DLG2: variants seen among roughly 807,000 people sequenced by gnomAD.
DLG2 encodes disks large homolog 2.
A neutral mutation model predicts 132.5 loss-of-function variants in DLG2; 45 were observed. The observed-to-expected ratio is 0.34, with a 90% CI of 0.27 to 0.44. DLG2 has a LOEUF of 0.44. Among genes scored for constraint, DLG2 ranks in the 20% least tolerant of loss-of-function variants. DLG2 has a pLI of 1.00. For synonymous variants in DLG2, 424 were observed against 419.6 expected (o/e 1.01, Z -0.13); for missense variants, 1,045 against 1,196.9 (o/e 0.87, Z 1.87).
chr11:85,319,250 T>A (rs2080890452), intron 3 of DLG2, among the ~76,000 whole-genome samples: 1 of 151,846 alleles, frequency 6.6e-6, no homozygotes. Flanking sequence ...TCAAGAATGC[T>A]TTTAAATCTT....
At chr11:83,846,795 C>G (rs575184391) in intron 16 of DLG2, among the ~76,000 whole-genome samples, 5 of 152,180 alleles carry the variant, frequency 3.3e-5, no homozygotes, top group Admixed American at 2.0e-4. Context: ...ATCCACATAT[C>G]AAACATGATA....
intron 15 of DLG2, among the ~76,000 whole-genome samples, chr11:83,929,923 C>T (rs991470910): frequency 1.7e-4 from 26 of 152,042 alleles, no homozygotes; most frequent in African/African-American, 5.8e-4. Flanking sequence ...ATTTCTTAGG[C>T]CATGTTATGC....
chr11:84,571,443 A>G (rs2099484616), intron 6 of DLG2, among the ~76,000 whole-genome samples: 1 of 151,908 alleles, frequency 6.6e-6, no homozygotes, highest in Non-Finnish European at 1.5e-5. Flanking sequence ...TTCACAGTGC[A>G]GCATCCCAAC....
intron 11 of DLG2, among the ~76,000 whole-genome samples, chr11:84,047,211 T>A (rs1250980337): frequency 6.6e-6 from 1 of 151,704 alleles, no homozygotes; most frequent in African/African-American, 2.4e-5. Context: ...TCCTTTAATT[T>A]AGCATTACAA....
chr11:83,815,658 G>A (rs1480632619), intron 17 of DLG2, among the ~76,000 whole-genome samples: 1 of 152,154 alleles, frequency 6.6e-6, no homozygotes, highest in African/African-American at 2.4e-5. Flanking sequence ...TGGGCAAGCT[G>A]CAGGTTGAGC....
chr11:85,302,691 G>A (rs2079672781), intron 3 of DLG2, among the ~76,000 whole-genome samples: 1 of 151,520 alleles, frequency 6.6e-6, no homozygotes, highest in East Asian at 1.9e-4. Context: ...TAATTTCAGA[G>A]GAATAGAAGC....
chr11:83,465,703 G>T (rs964177298), intron 26 of DLG2, among the ~76,000 whole-genome samples: 1 of 152,156 alleles, frequency 6.6e-6, no homozygotes, highest in African/African-American at 2.4e-5. Flanking sequence ...AAGAGTACAT[G>T]AACAGCTTTA....
At chr11:85,497,474 G>A (rs375307319) in intron 3 of DLG2, among the ~76,000 whole-genome samples, 1 of 152,070 alleles carries the variant, frequency 6.6e-6, no homozygotes, top group Non-Finnish European at 1.5e-5. Context: ...AAAATGACTG[G>A]GAGAATGGAA....
At chr11:85,031,953 T>A (rs995200674) in intron 6 of DLG2, among the ~76,000 whole-genome samples, 1 of 136,240 alleles carries the variant, frequency 7.3e-6, no homozygotes, top group Non-Finnish European at 1.6e-5. Context: ...CTGGCTTTTT[T>A]TTTTTTTTTT....
intron 6 of DLG2, among the ~76,000 whole-genome samples, chr11:84,948,954 G>A (rs1021991605): frequency 3.3e-5 from 5 of 152,156 alleles, no homozygotes; most frequent in African/African-American, 4.8e-5. Context: ...CAGTTACTGC[G>A]TTCATTATTT....
At chr11:85,553,581 C>T (rs1441517215) in intron 3 of DLG2, among the ~76,000 whole-genome samples, 1 of 151,036 alleles carries the variant, frequency 6.6e-6, no homozygotes, top group Non-Finnish European at 1.5e-5. Flanking sequence ...TTAATTGATT[C>T]TTACTGAAAG....
At chr11:85,455,890 G>C (rs921925463) in intron 3 of DLG2, among the ~76,000 whole-genome samples, 2 of 152,132 alleles carry the variant, frequency 1.3e-5, no homozygotes, top group South Asian at 4.1e-4. Flanking sequence ...TGGTGGATTA[G>C]ATTTTTGATG....
chr11:85,397,740 T>C (rs761182430), intron 3 of DLG2, among the ~76,000 whole-genome samples: 3 of 152,170 alleles, frequency 2.0e-5, no homozygotes, highest in East Asian at 1.9e-4. Context: ...ATCTTAAATA[T>C]ATATGCGCCC....
At chr11:84,952,953 T>G (rs968174048) in intron 6 of DLG2, among the ~76,000 whole-genome samples, 1 of 152,232 alleles carries the variant, frequency 6.6e-6, no homozygotes, top group African/African-American at 2.4e-5. Context: ...TCTACCAGTT[T>G]CTCAAAGTGC....
intron 11 of DLG2, among the ~76,000 whole-genome samples, chr11:84,050,171 T>TA (rs1491262206): frequency 1.5e-5 from 2 of 129,488 alleles, no homozygotes; most frequent in African/African-American, 5.4e-5. Flanking sequence ...TTTTTTTTTT[T>TA]ACCAGGGGAG....
At chr11:84,995,586 T>C (rs763317724) in intron 6 of DLG2, among the ~76,000 whole-genome samples, 1 of 152,210 alleles carries the variant, frequency 6.6e-6, no homozygotes, top group Non-Finnish European at 1.5e-5. Flanking sequence ...TTGAAATATA[T>C]ACACTTACAT....
At chr11:85,071,317 T>A (rs1158625628) in intron 6 of DLG2, among the ~76,000 whole-genome samples, 2 of 151,844 alleles carry the variant, frequency 1.3e-5, no homozygotes, top group Non-Finnish European at 2.9e-5. Context: ...GGGTGGAGAT[T>A]ACCCTGGTTG....
chr11:84,445,829 T>A (rs1394267659), intron 7 of DLG2, among the ~76,000 whole-genome samples: 1 of 141,876 alleles, frequency 7.0e-6, no homozygotes, highest in African/African-American at 2.7e-5. Context: ...GGCAGGAGAA[T>A]GGCGTGAACC....
intron 6 of DLG2, among the ~76,000 whole-genome samples, chr11:85,090,156 T>A (rs1334389210): frequency 6.6e-6 from 1 of 152,070 alleles, no homozygotes; most frequent in Non-Finnish European, 1.5e-5. Flanking sequence ...GATAAACCAG[T>A]GGGGATGATG....
Sources: gnomAD v4.1 joint callset for allele counts (sites outside exome capture counted in the v4.1 genomes callset) on GRCh38, gnomAD v4.1.1 for gene constraint, MANE v1.5 for transcripts, NCBI Gene and HGNC (gene_info 2026-07-23, HGNC 2026-07-21) for gene names.